MAN2A1: variants seen among roughly 807,000 people sequenced by gnomAD.
MAN2A1 encodes the protein alpha-mannosidase 2.
A neutral mutation model predicts 142.6 loss-of-function variants in MAN2A1; 76 were observed. The ratio of observed to expected loss-of-function variants is 0.53; its 90% CI spans 0.44 to 0.65. MAN2A1 has a LOEUF of 0.65. Ranked by LOEUF, MAN2A1 falls within the 30% of genes least tolerant of loss-of-function variation. MAN2A1 has a pLI of 0.00. For synonymous variants in MAN2A1, 559 were observed against 473.2 expected (o/e 1.18, Z -2.35); for missense variants, 1,311 against 1,365.1 (o/e 0.96, Z 0.62).
intron 1 of MAN2A1, among the ~76,000 whole-genome samples, chr5:109,706,929 C>T (rs762764592): frequency 5.3e-5 from 8 of 152,150 alleles, no homozygotes; most frequent in Non-Finnish European, 1.2e-4. Context: ...GATCTTATAT[C>T]ACTACCATGA....
intron 4 of MAN2A1, among the ~76,000 whole-genome samples, chr5:109,741,361 T>C (rs1752262535): frequency 6.6e-6 from 1 of 152,184 alleles, no homozygotes; most frequent in Admixed American, 6.5e-5. Context: ...AAAACATTCT[T>C]AGTGTTAGTT....
chr5:109,785,954 G>A (rs10073930), intron 10 of MAN2A1, among the ~76,000 whole-genome samples: 41 of 152,136 alleles, frequency 2.7e-4, no homozygotes, highest in Non-Finnish European at 4.7e-4. Flanking sequence ...ATTGACTCAC[G>A]ACTTATATTA....
intron 12 of MAN2A1, among the ~76,000 whole-genome samples, chr5:109,799,385 G>C (rs1753954041): frequency 6.6e-6 from 1 of 152,142 alleles, no homozygotes; most frequent in Admixed American, 6.5e-5. Context: ...CAAAAATTCA[G>C]AGAACTATCA....
At chr5:109,831,964 T>TATTTTATAA (rs1488269228) in intron 16 of MAN2A1, among the ~76,000 whole-genome samples, 1 of 151,822 alleles carries the variant, frequency 6.6e-6, no homozygotes, top group African/African-American at 2.4e-5. Flanking sequence ...TTAATAATTT[T>TATTTTATAA]ATTTTATAAA....
intron 6 of MAN2A1, among the ~76,000 whole-genome samples, chr5:109,767,974 G>A (rs139050585): frequency 6.6e-5 from 10 of 152,312 alleles, no homozygotes; most frequent in African/African-American, 2.4e-4. Flanking sequence ...TGCCAATAAT[G>A]CTTTCACTTG....
chr5:109,703,437 ATGACCCTGTT>A (rs1554071932), intron 1 of MAN2A1, among the ~76,000 whole-genome samples: 1 of 152,238 alleles, frequency 6.6e-6, no homozygotes, highest in Non-Finnish European at 1.5e-5. Flanking sequence ...TGTTAACAAC[ATGACCCTGTT>A]TAGCTAGCTG....
chr5:109,818,270 CTGGGATTACAGG>C lies in MAN2A1; in HGVS notation c.2109+833_2109+844del, dbSNP rs546704735. On this transcript the variant is annotated intron_variant, in intron 13 of 21. Coordinates refer to ENST00000261483, the MANE Select transcript of MAN2A1 (RefSeq NM_002372.4). ...ATTCTCCTGCCTCAGCCTCCTGTAA[CTGGGATTACAGG>C]CATGTGCCACCACGCCTGGCTAATT... Among the ~76,000 whole-genome samples, 323 of 152,184 alleles carry C rather than the reference CTGGGATTACAGG, an allele frequency of 2.1e-3. 2 individuals are homozygous for C. Among genetic ancestry groups the C allele is most frequent in the African/African-American group, 7.4e-3 (306 of 41,532 alleles).
chr5:109,717,268 C>T lies in MAN2A1; in HGVS notation c.535+1004C>T, dbSNP rs542148837. ...CCCCATTAGTTTATTGGCAGATATT[C>T]CTATTTTTCTATTTTGAAGACAACA... On this transcript the variant is annotated intron_variant, in intron 3 of 21. Coordinates refer to ENST00000261483, the MANE Select transcript of MAN2A1 (RefSeq NM_002372.4). Among the ~76,000 whole-genome samples, 3 of 152,120 alleles carry T rather than the reference C, an allele frequency of 2.0e-5. No homozygotes were observed. The South Asian group carries it at 6.2e-4, about 32-fold the overall frequency.
intron 4 of MAN2A1, among the ~76,000 whole-genome samples, chr5:109,731,056 A>G (rs922754091): frequency 6.6e-6 from 1 of 151,954 alleles, no homozygotes; most frequent in Non-Finnish European, 1.5e-5. Flanking sequence ...GTTCCTTCTC[A>G]TCTTTTTGTT....
intron 4 of MAN2A1, among the ~76,000 whole-genome samples, chr5:109,737,248 T>C (rs967037272): frequency 1.3e-5 from 2 of 151,728 alleles, no homozygotes; most frequent in African/African-American, 4.8e-5. Flanking sequence ...CCTGCCACCA[T>C]GCCTGGCTAA....
At position 109,713,760 on chromosome 5, in the gene MAN2A1, A is replaced by C; in HGVS notation, c.376A>C (p.Asn126His). The stretch of plus-strand genomic sequence containing the variant: ...GTTTGCTTCACAAAGTGGAAGTCAC[A>C]ATTCAGATGTGCAGGTAATGTATAC... ...CLFASQSGSH[N>H]SDVQMLDVYS... Residue 126 changes from asparagine to histidine, a missense_variant, in exon 2 of 22, where the codon AAT (asparagine) becomes CAT (histidine). Asn to His is a moderately conservative substitution (Grantham distance 68). Coordinates refer to ENST00000261483, the MANE Select transcript of MAN2A1 (RefSeq NM_002372.4). 1 of 1,613,126 alleles carries C rather than the reference A, an allele frequency of 6.2e-7. No homozygotes were observed. Among genetic ancestry groups the C allele is most frequent in the Non-Finnish European group, 8.5e-7 (1 of 1,179,816 alleles).
chr5:109,692,109 C>A lies in MAN2A1; in HGVS notation c.135+1557C>A, dbSNP rs182905178. ...ACTTGAAAATGGTTTATGCAAACATCTGGACCTGGGTTTTCTGGCAACCTT... is the reference window on the plus strand; with the variant it reads ...ACTTGAAAATGGTTTATGCAAACATATGGACCTGGGTTTTCTGGCAACCTT... On this transcript the variant is annotated intron_variant, in intron 1 of 21. Transcript: ENST00000261483. 2.2e-3 allele frequency among the ~76,000 whole-genome samples: 341 copies of A among 152,296 alleles called. 1 individual carries two copies. The highest frequency in any genetic ancestry group is 3.4e-3 in the Middle Eastern group (1 of 294).
intron 5 of MAN2A1, among the ~76,000 whole-genome samples, chr5:109,758,849 A>T (rs191604967): frequency 2.6e-5 from 4 of 151,970 alleles, no homozygotes; most frequent in South Asian, 2.1e-4. Flanking sequence ...ATTGGAAAAG[A>T]TGATTCTTTC....
intron 1 of MAN2A1, among the ~76,000 whole-genome samples, chr5:109,702,866 T>C (rs1437257206): frequency 6.6e-6 from 1 of 152,220 alleles, no homozygotes; most frequent in Non-Finnish European, 1.5e-5. Context: ...TTGTTACAGA[T>C]GGATTTTTAT....
chr5:109,757,739 G>A (rs1019733471), intron 5 of MAN2A1, among the ~76,000 whole-genome samples: 3 of 152,046 alleles, frequency 2.0e-5, no homozygotes, highest in African/African-American at 7.2e-5. Flanking sequence ...GCTATCACTA[G>A]TCTTTCTGTA....
intron 10 of MAN2A1, among the ~76,000 whole-genome samples, chr5:109,788,297 G>C (rs1459048062): frequency 6.6e-6 from 1 of 150,830 alleles, no homozygotes; most frequent in Non-Finnish European, 1.5e-5. Context: ...TTTCAGAATT[G>C]GTCTGGAATC....
intron 16 of MAN2A1, among the ~76,000 whole-genome samples, chr5:109,825,981 A>C (rs1224030032): frequency 7.7e-6 from 1 of 129,340 alleles, no homozygotes; most frequent in African/African-American, 3.0e-5. Context: ...ATCTCGGCTC[A>C]CTGCAGCCTC....
chr5:109,765,518 G>C lies in MAN2A1; in HGVS notation c.836-2017G>C, dbSNP rs190339902. ...TACTGGGAACAACTAGTTAAGGTTT[G>C]TCTGCTAAGTTTCTCCACTGTGTTA... On this transcript the variant is annotated intron_variant, in intron 5 of 21. Coordinates refer to ENST00000261483, the MANE Select transcript of MAN2A1 (RefSeq NM_002372.4). Among the ~76,000 whole-genome samples the C allele has an allele frequency of 1.7e-4, 26 of 152,206 alleles. No individual in the cohort carries two copies. The East Asian group carries it at 4.8e-3, about 28-fold the overall frequency.
chr5:109,849,078 A>G (rs780845010), intron 19 of MAN2A1, among the ~76,000 whole-genome samples: 41 of 152,152 alleles, frequency 2.7e-4, no homozygotes, highest in Non-Finnish European at 4.6e-4. Flanking sequence ...CAGGGCTTCT[A>G]TGGAGCTATG....
Sources: allele counts gnomAD v4.1 joint callset (sites outside exome capture counted in the v4.1 genomes callset), GRCh38; gene constraint gnomAD v4.1.1; transcripts MANE v1.5; gene names NCBI Gene and HGNC (gene_info 2026-07-23, HGNC 2026-07-21).